The following EPB41L1 variants were observed in gnomAD, a reference collection of about 807,000 sequenced individuals.
EPB41L1 encodes erythrocyte membrane protein band 4.1 like 1, also known as band 4.1-like protein 1.
Under a neutral mutation model 97.8 loss-of-function variants are expected in EPB41L1, and 29 were observed. The observed-to-expected ratio is 0.30, with a 90% CI of 0.22 to 0.40. The LOEUF is 0.40. EPB41L1 is among the 10% of genes least tolerant of loss of function. The probability of loss-of-function intolerance (pLI) is 1.00; values close to 1 mark genes in which losing one functional copy is unlikely to be tolerated. For synonymous variants in EPB41L1, 383 were observed against 459.2 expected (o/e 0.83, Z 2.12); for missense variants, 812 against 1,162.3 (o/e 0.70, Z 4.38).
rs1337321615 is a variant in EPB41L1, at chr20:36,195,595, C to T, written c.1485+231C>T. ...CTCTCCTGGCCAATCGGCCATCTCT[C>T]CCTCCTCCCTCAGCCCTCCCACCCT... On this transcript the variant is annotated intron_variant, in intron 13 of 21. Transcript: ENST00000338074. The surrounding 1 kb of genome is among the most constrained non-coding windows in gnomAD (Gnocchi z 4.6). Among the ~76,000 whole-genome samples the T allele has an allele frequency of 6.6e-6, 1 of 152,194 alleles. No homozygotes were observed. Among genetic ancestry groups the T allele is most frequent in the South Asian group, 2.1e-4 (1 of 4,832 alleles).
At chr20:36,107,658 C>T (rs1305503333) in intron 1 of EPB41L1, among the ~76,000 whole-genome samples, 37 of 145,716 alleles carry the variant, frequency 2.5e-4, no homozygotes, top group Admixed American at 2.0e-3. Context: ...GTGAAACCCC[C>T]GTCTCTACTA....
Position 36,185,415 on chromosome 20 carries a change from G to T in EPB41L1, c.785+80G>T. The T allele has an allele frequency of 2.2e-6, 3 of 1,336,384 alleles. No individual in the cohort carries two copies. The South Asian group carries it at 3.7e-5, about 17-fold the overall frequency. 82.8% of individuals were successfully genotyped at this position (1,336,384 alleles called of 1,614,324 possible). A position where few individuals can be genotyped will look rare whatever the true frequency, so the allele number is the denominator to read the frequency against. On this transcript the variant is annotated intron_variant, in intron 7 of 21. Transcript: ENST00000338074. ...CTTGCAGGCCTGAATGTCCTAGGCC[G>T]CCACATACTGTGCTGTTTGTACCCC...
chr20:36,122,434 G>A (rs2058783136), intron 2 of EPB41L1, among the ~76,000 whole-genome samples: 1 of 152,204 alleles, frequency 6.6e-6, no homozygotes, highest in Non-Finnish European at 1.5e-5. Flanking sequence ...GCAGGCCCTG[G>A]AAGAGCCTTT....
intron 7 of EPB41L1, among the ~76,000 whole-genome samples, chr20:36,187,229 C>CA (rs1405565227): frequency 6.6e-6 from 1 of 152,226 alleles, no homozygotes; most frequent in Non-Finnish European, 1.5e-5. Flanking sequence ...GGAGAATGTG[C>CA]ACCTGTTCCT....
intron 14 of EPB41L1, 118 bp downstream of exon 14, chr20:36,198,159 C>A: frequency 2.1e-6 from 2 of 950,526 alleles, no homozygotes; most frequent in Non-Finnish European, 3.2e-6. Context: ...TGCTTAGGGG[C>A]TGGTGGGGAT....
At chr20:36,216,309 T>G (rs762373930) in intron 17 of EPB41L1, among the ~76,000 whole-genome samples, 169 of 151,842 alleles carry the variant, frequency 1.1e-3, no homozygotes, top group Non-Finnish European at 1.5e-3. Flanking sequence ...GAAAAGCAAG[T>G]GCAAAGGGCA....
intron 2 of EPB41L1, among the ~76,000 whole-genome samples, chr20:36,135,952 C>T (rs2059399918): frequency 6.6e-6 from 1 of 152,086 alleles, no homozygotes; most frequent in Non-Finnish European, 1.5e-5. Context: ...AAAATTTCCT[C>T]CCTTTATACT....
At chr20:36,222,117 G>A (rs981601649) in intron 20 of EPB41L1, among the ~76,000 whole-genome samples, 161 bp from the exon 21 acceptor site, 1 of 152,174 alleles carries the variant, frequency 6.6e-6, no homozygotes, top group Admixed American at 6.5e-5. Context: ...GCCAGAAGGA[G>A]CCAGAAGACC....
intron 2 of EPB41L1, among the ~76,000 whole-genome samples, chr20:36,130,961 A>G (rs920379155): frequency 7.2e-6 from 1 of 138,908 alleles, no homozygotes; most frequent in Admixed American, 7.2e-5. Flanking sequence ...GGAGCCCGCC[A>G]CCACACCCGG....
At chr20:36,132,578 G>GGC (rs2059258992) in intron 2 of EPB41L1, among the ~76,000 whole-genome samples, 1 of 126,052 alleles carries the variant, frequency 7.9e-6, no homozygotes, top group East Asian at 2.8e-4. Context: ...GGGGGGGGGG[G>GGC]GCGCATTATT....
intron 2 of EPB41L1, among the ~76,000 whole-genome samples, chr20:36,137,667 G>C (rs1365404764): frequency 2.0e-5 from 3 of 152,050 alleles, no homozygotes; most frequent in African/African-American, 7.2e-5. Flanking sequence ...TGGGATTACA[G>C]GCATGCACCA....
rs377689900 is a variant in EPB41L1 at position 36,092,312 on chromosome 20, G to A, written c.-65+700G>A. ...GGCGGGAACCCGGGAGGACGTGGGG[G>A]CCCCGGGTGGGGTCTGCTCCTCTTC... is the stretch of plus-strand genomic sequence containing the variant. On this transcript the variant is annotated intron_variant, in intron 1 of 19. Transcript: ENST00000202028. This position sits in a 1 kb window ranked among gnomAD's most constrained non-coding sequence, Gnocchi z 7.0. 3.3e-5 allele frequency among the ~76,000 whole-genome samples: 5 copies of A among 152,176 alleles called. No individual in the cohort carries two copies. The highest frequency in any genetic ancestry group is 9.6e-5 in the African/African-American group (4 of 41,456).
upstream of EPB41L1, chr20:36,150,992 T>C (rs191525438): frequency 6.6e-6 from 1 of 152,336 alleles, no homozygotes; most frequent in East Asian, 1.9e-4. Context: ...AGGAGACCAC[T>C]GACTACTTGT....
At chr20:36,136,116 T>A (rs911340848) in intron 2 of EPB41L1, among the ~76,000 whole-genome samples, 1 of 152,122 alleles carries the variant, frequency 6.6e-6, no homozygotes, top group African/African-American at 2.4e-5. Context: ...TTGCTAGAAC[T>A]TACAAAAAAA....
intron 2 of EPB41L1, among the ~76,000 whole-genome samples, chr20:36,113,408 TTGTGTGTGTGTGTGTGTGTGTGTGTGTG>T (rs3057822): frequency 2.1e-5 from 3 of 143,568 alleles, no homozygotes; most frequent in East Asian, 2.1e-4. Context: ...AACTTTCCAT[TTGTGTGTGTGTGTGTGTGTGTGTGTGTG>T]TGTGTGTGTG....
rs186188187 is a variant in EPB41L1 at position 36,169,190 on chromosome 20, C to G, written c.-14-4574C>G. Among the ~76,000 whole-genome samples, 68 of 148,612 alleles carry G rather than the reference C, an allele frequency of 4.6e-4. 2 individuals are homozygous for G. Among genetic ancestry groups the G allele is most frequent in the African/African-American group, 1.6e-3 (65 of 40,102 alleles). ...TGCAGTGAGCTGAGATCGCTACACT[C>G]TAGTCTGGGTGACAGAGCAAGACTC... On this transcript the variant is annotated intron_variant, in intron 1 of 21. Transcript: ENST00000338074.
At chr20:36,105,384 C>T (rs1421321764) in intron 1 of EPB41L1, among the ~76,000 whole-genome samples, 1 of 152,124 alleles carries the variant, frequency 6.6e-6, no homozygotes, top group Non-Finnish European at 1.5e-5. Flanking sequence ...CTTGTGAGGT[C>T]CTGGGGTCAA....
intron 1 of EPB41L1, among the ~76,000 whole-genome samples, chr20:36,170,011 G>T (rs1225162855): frequency 6.6e-6 from 1 of 152,210 alleles, no homozygotes; most frequent in Non-Finnish European, 1.5e-5. Context: ...TGCTCACCTG[G>T]GCCTGGGCAG....
rs768904051 is a variant in EPB41L1 at position 36,185,246 on chromosome 20, T to C, written c.696T>C (p.His232=). The C allele has an allele frequency of 1.4e-5, 22 of 1,613,836 alleles. No individual in the cohort carries two copies. In the South Asian group the frequency reaches 1.8e-4, roughly 13 times the overall value. ...TGGGTGACTATGATGCTGAGGAGCATGTGGGCAACTATGTCAGCGAGCTCC... is the reference window on the plus strand; with the variant it reads ...TGGGTGACTATGATGCTGAGGAGCACGTGGGCAACTATGTCAGCGAGCTCC... ...AELGDYDAEE[H]VGNYVSELRF... The change falls in exon 7 of 22, where the codon CAT becomes CAC. Residue 232 remains histidine (H), a synonymous_variant. Transcript: ENST00000338074.
Sources: allele counts gnomAD v4.1 joint callset (sites outside exome capture counted in the v4.1 genomes callset), GRCh38; gene constraint gnomAD v4.1.1; non-coding constraint Gnocchi (gnomAD v3.1); transcripts MANE v1.5; gene names NCBI Gene and HGNC (gene_info 2026-07-23, HGNC 2026-07-21).